SH3RF3: variants seen among roughly 807,000 people sequenced by gnomAD.
SH3RF3 encodes the protein SH3 domain containing ring finger 3.
In SH3RF3, 29 loss-of-function variants were observed where a neutral mutation model predicts 66.3. The observed-to-expected ratio is 0.44, with a 90% CI of 0.33 to 0.60. SH3RF3 has a LOEUF of 0.60. Ranked by LOEUF, SH3RF3 falls within the 20% of genes least tolerant of loss-of-function variation. The probability of loss-of-function intolerance (pLI) is 0.04; values close to 1 mark genes in which losing one functional copy is unlikely to be tolerated. For missense variants in SH3RF3, 1,194 were observed against 1,190.9 expected, an observed-to-expected ratio of 1.00 and a Z score of -0.04; for synonymous variants, 583 against 532.0, an observed-to-expected ratio of 1.10 and a Z score of -1.32.
chr2:109,152,466 G>A (rs1677245438), intron 1 of SH3RF3, among the ~76,000 whole-genome samples: 1 of 152,250 alleles, frequency 6.6e-6, no homozygotes, highest in South Asian at 2.1e-4. Context: ...TGTTCCGGGT[G>A]CCTGATGGGC....
At chr2:109,200,115 A>G (rs1482517899) in intron 1 of SH3RF3, among the ~76,000 whole-genome samples, 1 of 152,144 alleles carries the variant, frequency 6.6e-6, no homozygotes, top group East Asian at 1.9e-4. Flanking sequence ...TGTGGAGGAA[A>G]TGTTACGGAC....
chr2:109,248,821 CTCTT>C (rs1558980600), intron 1 of SH3RF3, among the ~76,000 whole-genome samples: 2 of 150,316 alleles, frequency 1.3e-5, no homozygotes, highest in Admixed American at 1.3e-4. Context: ...TTCGTTTTCT[CTCTT>C]TCTCTCTTTT....
chr2:109,188,438 A>G (rs1010418461), intron 1 of SH3RF3, among the ~76,000 whole-genome samples: 3 of 152,162 alleles, frequency 2.0e-5, no homozygotes, highest in African/African-American at 4.8e-5. Flanking sequence ...CATCCACACA[A>G]CAGGTGTGGA....
intron 5 of SH3RF3, among the ~76,000 whole-genome samples, chr2:109,420,413 C>T (rs1001591012): frequency 2.0e-5 from 3 of 152,052 alleles, no homozygotes; most frequent in Non-Finnish European, 4.4e-5. Flanking sequence ...TGTTACAGAA[C>T]AGGATTTTTT....
At chr2:109,148,694 A>G (rs1323278964) in intron 1 of SH3RF3, among the ~76,000 whole-genome samples, 1 of 152,252 alleles carries the variant, frequency 6.6e-6, no homozygotes, top group African/African-American at 2.4e-5. Flanking sequence ...AAGTGCATTC[A>G]TGGCTGAAGA....
At chr2:109,206,557 C>A (rs956035493) in intron 1 of SH3RF3, among the ~76,000 whole-genome samples, 1 of 150,010 alleles carries the variant, frequency 6.7e-6, no homozygotes, top group African/African-American at 2.5e-5. Flanking sequence ...ACCTATAATC[C>A]CAGCAGTTTG....
At position 109,142,129 on chromosome 2, in the gene SH3RF3, G is replaced by T. The variant is rs1051339816; in HGVS notation, c.573+12016G>T. ...GGCCCCACCCTGAGTCACCTACCGG[G>T]TGGGGTCCCTGAGCTCCTGGAGAGC... On this transcript the variant is annotated intron_variant, in intron 1 of 9. Coordinates refer to ENST00000309415, the MANE Select transcript of SH3RF3 (RefSeq NM_001099289.3). Among the ~76,000 whole-genome samples, 5 of 152,060 alleles carry T rather than the reference G, an allele frequency of 3.3e-5. No individual in the cohort carries two copies. In the South Asian group the frequency reaches 1.0e-3, roughly 32 times the overall value.
intron 3 of SH3RF3, among the ~76,000 whole-genome samples, chr2:109,383,405 C>A (rs1475208723): frequency 1.3e-5 from 2 of 152,206 alleles, no homozygotes; most frequent in Non-Finnish European, 2.9e-5. Flanking sequence ...TGCTGCCTCA[C>A]CCTTAGTTCT....
chr2:109,317,051 C>A (rs1681902445), intron 1 of SH3RF3, among the ~76,000 whole-genome samples: 1 of 152,158 alleles, frequency 6.6e-6, no homozygotes, highest in African/African-American at 2.4e-5. Flanking sequence ...CCACTCACCT[C>A]CTGAGGCTAT....
At chr2:109,342,208 C>G (rs1682570165) in intron 1 of SH3RF3, among the ~76,000 whole-genome samples, 1 of 152,202 alleles carries the variant, frequency 6.6e-6, no homozygotes, top group South Asian at 2.1e-4. Flanking sequence ...TGGGATTTTC[C>G]CCATTCCGCC....
chr2:109,470,040 G>A (rs547382775), intron 8 of SH3RF3, among the ~76,000 whole-genome samples: 2 of 152,258 alleles, frequency 1.3e-5, no homozygotes, highest in East Asian at 1.9e-4. Context: ...CGTGCGTCCT[G>A]TCTGAGGGTT....
chr2:109,202,487 C>T (rs931889323), intron 1 of SH3RF3, among the ~76,000 whole-genome samples: 13 of 152,208 alleles, frequency 8.5e-5, no homozygotes, highest in Non-Finnish European at 1.9e-4. Flanking sequence ...CCCTGGGGCG[C>T]GTTCTTGTTC....
chr2:109,434,853 C>T (rs1265548774), intron 6 of SH3RF3, among the ~76,000 whole-genome samples: 1 of 152,178 alleles, frequency 6.6e-6, no homozygotes, highest in Non-Finnish European at 1.5e-5. Context: ...AAATGCAGAT[C>T]GAATCAATAA....
intron 1 of SH3RF3, among the ~76,000 whole-genome samples, chr2:109,283,403 G>A (rs757826172): frequency 2.1e-4 from 32 of 152,180 alleles, no homozygotes; most frequent in Non-Finnish European, 4.3e-4. Flanking sequence ...TGTTTTGGTG[G>A]CCAGTATTGA....
At chr2:109,364,807 G>A (rs527818944) in intron 2 of SH3RF3, among the ~76,000 whole-genome samples, 19 of 152,118 alleles carry the variant, frequency 1.2e-4, no homozygotes, top group African/African-American at 3.9e-4. Flanking sequence ...AACCCCAATG[G>A]GGGCCAGATG....
At chr2:109,400,019 AG>A (rs147197702) in intron 4 of SH3RF3, among the ~76,000 whole-genome samples, 2,749 of 152,346 alleles carry the variant, frequency 0.018, 97 homozygotes, top group African/African-American at 0.063. Flanking sequence ...CCTCAGAGCA[AG>A]GGCGCTGATC....
chr2:109,487,320 T>A (rs1339308125), intron 8 of SH3RF3, among the ~76,000 whole-genome samples: 1 of 152,222 alleles, frequency 6.6e-6, no homozygotes, highest in African/African-American at 2.4e-5. Flanking sequence ...TATTCTTTCC[T>A]GCCTCACACG....
chr2:109,367,119 A>T lies in SH3RF3; in HGVS notation c.850-4467A>T, dbSNP rs1168839945. Among the ~76,000 whole-genome samples, 24 of 113,322 alleles carry T rather than the reference A, an allele frequency of 2.1e-4. No individual in the cohort carries two copies. The South Asian group carries it at 6.6e-3, about 31-fold the overall frequency. The allele number at this position is 113,322 out of a possible 152,430, so 74.3% of individuals were successfully genotyped here. A position where few individuals can be genotyped will look rare whatever the true frequency, so the allele number is the denominator to read the frequency against. ...AGGCATATGCCACTGTGCCCTGGTA[A>T]TTTTTTTTTTTTTTTTTTTTTTTTA... On this transcript the variant is annotated intron_variant, in intron 2 of 9. Coordinates refer to ENST00000309415, the MANE Select transcript of SH3RF3 (RefSeq NM_001099289.3).
chr2:109,432,692 G>A lies in SH3RF3; in HGVS notation c.1574+21G>A, dbSNP rs367943921. The A allele has an allele frequency of 2.0e-4, 326 of 1,602,910 alleles. No homozygotes were observed. In the African/African-American group the frequency reaches 4.1e-3, roughly 20 times the overall value. ...TCCAGGTGAGGGCATGGTGGTGGCA[G>A]CCTGGGCAAGGAGAGGGCAAGGGCC... On this transcript the variant is annotated intron_variant, in intron 6 of 9. Transcript: ENST00000309415.
Sources: gnomAD v4.1 joint callset for allele counts (sites outside exome capture counted in the v4.1 genomes callset) on GRCh38, gnomAD v4.1.1 for gene constraint, MANE v1.5 for transcripts, NCBI Gene and HGNC (gene_info 2026-07-23, HGNC 2026-07-21) for gene names.